Variants in HELZ observed in about 807,000 individuals in gnomAD.
The protein encoded by HELZ is helicase with zinc finger.
HELZ carries 23 observed loss-of-function variants against 218.2 expected under a neutral mutation model. The ratio of observed to expected loss-of-function variants is 0.11; its 90% CI spans 0.08 to 0.15. The LOEUF (loss-of-function observed/expected upper bound fraction) is 0.15, where lower values mean the gene tolerates loss of function less well. Ranked by LOEUF, HELZ falls within the 10% of genes least tolerant of loss-of-function variation. The pLI, the probability that HELZ is intolerant of heterozygous loss-of-function variation, is 1.00. For missense variants in HELZ, 1,813 were observed against 2,353.7 expected (o/e 0.77, Z 4.75); for synonymous variants, 814 against 829.4 (o/e 0.98, Z 0.32).
intron 22 of HELZ, among the ~76,000 whole-genome samples, chr17:67,136,524 T>C (rs1032112836): frequency 1.3e-5 from 2 of 152,136 alleles, no homozygotes; most frequent in Admixed American, 6.5e-5. Context: ...TTATTCACAA[T>C]AGCCAAAAGG....
intron 3 of HELZ, among the ~76,000 whole-genome samples, chr17:67,231,881 T>C (rs1430682217): frequency 2.0e-5 from 3 of 150,650 alleles, no homozygotes; most frequent in Non-Finnish European, 4.4e-5. Context: ...GGTGAAACCC[T>C]GTCTCTACTA....
chr17:67,158,120 A>C (rs1434075628), intron 17 of HELZ, among the ~76,000 whole-genome samples: 1 of 152,218 alleles, frequency 6.6e-6, no homozygotes, highest in Non-Finnish European at 1.5e-5. Flanking sequence ...ACCATGAAGT[A>C]TGTATATTTA....
At chr17:67,090,612 G>T (rs1018725918) in intron 31 of HELZ, among the ~76,000 whole-genome samples, 1 of 151,978 alleles carries the variant, frequency 6.6e-6, no homozygotes, top group African/African-American at 2.4e-5. Flanking sequence ...TTCATCTTTG[G>T]TGAGGTTTTA....
chr17:67,215,814 C>A, intron 5 of HELZ, 85 bp downstream of exon 5: 1 of 895,216 alleles, frequency 1.1e-6, no homozygotes, highest in South Asian at 1.5e-5. Context: ...CAAACATTAT[C>A]ATCATTTTTG....
intron 31 of HELZ, among the ~76,000 whole-genome samples, 197 bp downstream of exon 31, chr17:67,106,972 A>G (rs143909189): frequency 2.5e-3 from 377 of 152,344 alleles, no homozygotes; most frequent in Non-Finnish European, 4.5e-3. Flanking sequence ...AAGGGGCTTC[A>G]TGTTTCAACA....
At chr17:67,169,689 T>A (rs1409464530) in intron 13 of HELZ, among the ~76,000 whole-genome samples, 1 of 148,882 alleles carries the variant, frequency 6.7e-6, no homozygotes, top group African/African-American at 2.6e-5. Flanking sequence ...ATTCATTCCA[T>A]CCCAATAGCC....
intron 3 of HELZ, among the ~76,000 whole-genome samples, chr17:67,222,724 A>G (rs112936927): frequency 2.0e-3 from 312 of 152,334 alleles, no homozygotes; most frequent in African/African-American, 7.2e-3. Flanking sequence ...TATCAAGCAT[A>G]AAAGCAAAAC....
At chr17:67,213,219 T>A (rs1598433279) in intron 5 of HELZ, among the ~76,000 whole-genome samples, 1 of 152,054 alleles carries the variant, frequency 6.6e-6, no homozygotes, top group East Asian at 1.9e-4. Flanking sequence ...TTCTCACACA[T>A]GAGATTGGCA....
intron 31 of HELZ, among the ~76,000 whole-genome samples, chr17:67,091,419 G>A (rs2036572311): frequency 6.6e-6 from 1 of 152,214 alleles, no homozygotes; most frequent in African/African-American, 2.4e-5. Flanking sequence ...AATATTCAAT[G>A]AGGAAAAGTT....
chr17:67,224,282 A>G (rs1271169919), intron 3 of HELZ: 1 of 158,492 alleles, frequency 6.3e-6, no homozygotes, highest in Non-Finnish European at 1.4e-5. Flanking sequence ...GGTTGAATAT[A>G]CCGCAGCCAT....
At chr17:67,193,498 A>G (rs2039950367) in intron 9 of HELZ, among the ~76,000 whole-genome samples, 1 of 152,074 alleles carries the variant, frequency 6.6e-6, no homozygotes, top group Admixed American at 6.6e-5. Flanking sequence ...TGGGCACATC[A>G]CAAGATCAGG....
At chr17:67,182,230 T>A (rs1315435290) in intron 12 of HELZ, among the ~76,000 whole-genome samples, 1 of 151,964 alleles carries the variant, frequency 6.6e-6, no homozygotes, top group Non-Finnish European at 1.5e-5. Context: ...TCACCTGAGG[T>A]CAGGAGTTCA....
intron 3 of HELZ, among the ~76,000 whole-genome samples, chr17:67,228,927 AG>A (rs2040964653): frequency 6.6e-6 from 1 of 152,020 alleles, no homozygotes; most frequent in South Asian, 2.1e-4. Context: ...TGTGTTGGTG[AG>A]GCTGGTCTCA....
chr17:67,201,652 C>G (rs2040171620), intron 6 of HELZ, among the ~76,000 whole-genome samples: 1 of 152,176 alleles, frequency 6.6e-6, no homozygotes, highest in Admixed American at 6.5e-5. Context: ...GAAAATATCA[C>G]TCTTCTGAAA....
At chr17:67,168,842 A>G (rs1242687167) in intron 13 of HELZ, among the ~76,000 whole-genome samples, 2 of 152,210 alleles carry the variant, frequency 1.3e-5, no homozygotes, top group Non-Finnish European at 1.5e-5. Flanking sequence ...CTGTAATCCT[A>G]GCACTATGGG....
intron 7 of HELZ, among the ~76,000 whole-genome samples, chr17:67,197,677 G>C (rs1567883454): frequency 6.6e-6 from 1 of 152,140 alleles, no homozygotes; most frequent in Non-Finnish European, 1.5e-5. Context: ...ATGAAATCTG[G>C]AATATCTTGT....
chr17:67,218,773 T>C lies in HELZ; in HGVS notation c.32A>G (p.Glu11Gly), dbSNP rs529538393. 1 of 1,614,216 alleles carries C rather than the reference T, an allele frequency of 6.2e-7. No homozygotes were observed. Among genetic ancestry groups the C allele is most frequent in the South Asian group, 1.1e-5 (1 of 91,086 alleles). MEDRRAEKSC[E>G]QACESLKRQD... ...CCTCTTAAGTGATTCACATGCTTGT[T>C]CACATGACTTTTCAGCTCTTCTGTC... is the stretch of plus-strand genomic sequence containing the variant. Residue 11 changes from glutamate (E) to glycine (G), a missense_variant, in exon 4 of 33, where the codon GAA (glutamate) becomes GGA (glycine). By Grantham distance (98) the Glu-to-Gly change is moderately conservative. Coordinates refer to ENST00000358691, the MANE Select transcript of HELZ (RefSeq NM_014877.4).
chr17:67,070,972 T>C lies in HELZ; in HGVS notation c.*7280A>G, dbSNP rs2035872203. 6.6e-6 allele frequency: 1 copy of C among 152,104 alleles called. No individual in the cohort carries two copies. The highest frequency in any genetic ancestry group is 1.5e-5 in the Non-Finnish European group (1 of 68,004). The allele number at this position is 152,104 out of a possible 1,614,324, so 9.4% of individuals were successfully genotyped here. ...TGAACAAGTTTAGATAAGAACTATA[T>C]GTATGAAGCATTAAAAAAAAATCCT... On this transcript the variant is annotated 3_prime_UTR_variant, in exon 33 of 33. Coordinates refer to ENST00000358691, the MANE Select transcript of HELZ (RefSeq NM_014877.4).
chr17:67,208,498 T>A (rs2040364689), intron 5 of HELZ, among the ~76,000 whole-genome samples: 1 of 152,176 alleles, frequency 6.6e-6, no homozygotes, highest in Admixed American at 6.5e-5. Context: ...CTCTGTATTA[T>A]CTTTGCCACT....
Sources: allele counts gnomAD v4.1 joint callset (sites outside exome capture counted in the v4.1 genomes callset), GRCh38; gene constraint gnomAD v4.1.1; transcripts MANE v1.5; gene names NCBI Gene and HGNC (gene_info 2026-07-23, HGNC 2026-07-21).